Variants in RBM4 observed in about 807,000 individuals in gnomAD.
RBM4 encodes RNA binding motif protein 4.
Under a neutral mutation model 29.5 loss-of-function variants are expected in RBM4, and 7 were observed. That is an observed-to-expected ratio of 0.24 (90% CI 0.14 to 0.45). RBM4 has a LOEUF of 0.45. Among genes scored for constraint, RBM4 ranks in the 20% least tolerant of loss-of-function variants. RBM4 has a pLI of 1.00. For missense variants in RBM4, 387 were observed against 502.3 expected (o/e 0.77, Z 2.19); for synonymous variants, 220 against 205.4 (o/e 1.07, Z -0.61).
At chr11:66,647,695 T>C (rs114950259), downstream of RBM4, among the ~76,000 whole-genome samples, 1,829 of 152,268 alleles carry the variant, frequency 0.012, 37 homozygotes, top group African/African-American at 0.042. Context: ...ACAGTATTCA[T>C]TGATTCAACA....
At chr11:66,648,245 T>G (rs1938750612), downstream of RBM4, among the ~76,000 whole-genome samples, 1 of 151,620 alleles carries the variant, frequency 6.6e-6, no homozygotes, top group Non-Finnish European at 1.5e-5. Flanking sequence ...CTTGGCCAGG[T>G]GCAGTGACTC....
intron 3 of RBM4, chr11:66,644,709 T>G: frequency 1.0e-6 from 1 of 978,450 alleles, no homozygotes; most frequent in Non-Finnish European, 1.2e-6. Flanking sequence ...CCTGAACCGT[T>G]CAACCCTTAT....
At chr11:66,662,969 A>G (rs1939113044) in intron 2 of RBM4, among the ~76,000 whole-genome samples, 1 of 152,232 alleles carries the variant, frequency 6.6e-6, no homozygotes, top group African/African-American at 2.4e-5. Flanking sequence ...TAACTTCTGT[A>G]GATTGTCAGA....
In RBM4 at chr11:66,646,464, A is replaced by T. The variant is rs113399536; in HGVS notation, c.*446A>T. 2.7e-4 allele frequency: 268 copies of T among 1,003,902 alleles called. 1 individual carries two copies. The African/African-American group carries it at 4.2e-3, about 16-fold the overall frequency. 62.2% of individuals were successfully genotyped at this position (1,003,902 alleles called of 1,614,324 possible). A position where few individuals can be genotyped will look rare whatever the true frequency, so the allele number is the denominator to read the frequency against. On this transcript the variant is annotated 3_prime_UTR_variant, in exon 4 of 4. Transcript: ENST00000310092. Reference sequence around the variant, plus strand: ...TTCCGGTGAAATAAATGGTTTTTCAACTTAGGGTATGTGTGCTTTGCGAGA... The same window carrying T: ...TTCCGGTGAAATAAATGGTTTTTCATCTTAGGGTATGTGTGCTTTGCGAGA...
chr11:66,666,582 C>G (rs1228868137), exon 3 of RBM4: 5 of 243,694 alleles, frequency 2.1e-5, no homozygotes, highest in African/African-American at 9.3e-5. Context: ...TTAAAATGTC[C>G]TAGCAATACC....
chr11:66,656,794 G>A (rs892871454), intron 2 of RBM4, among the ~76,000 whole-genome samples: 1 of 147,868 alleles, frequency 6.8e-6, no homozygotes, highest in Non-Finnish European at 1.5e-5. Context: ...TTGAGTAACT[G>A]GGATTATAGA....
chr11:66,665,831 T>TACATCTTTCTTATCCA (rs1565090614), intron 2 of RBM4: 4 of 1,505,790 alleles, frequency 2.7e-6, no homozygotes, highest in Non-Finnish European at 3.6e-6. Flanking sequence ...TGGTGATAAA[T>TACATCTTTCTTATCCA]ACATCTTTCT....
chr11:66,648,034 G>C (rs897523127), downstream of RBM4, among the ~76,000 whole-genome samples: 2 of 152,036 alleles, frequency 1.3e-5, no homozygotes, highest in Admixed American at 6.6e-5. Context: ...GAAAAACCCT[G>C]TCTCTACTAA....
chr11:66,658,675 G>A (rs909341884), intron 2 of RBM4, among the ~76,000 whole-genome samples: 2 of 151,936 alleles, frequency 1.3e-5, no homozygotes, highest in African/African-American at 2.4e-5. Flanking sequence ...AGTGGCTCAC[G>A]CCTGTAATCC....
At chr11:66,657,530 A>G (rs545023370) in intron 2 of RBM4, among the ~76,000 whole-genome samples, 1 of 151,672 alleles carries the variant, frequency 6.6e-6, no homozygotes, top group East Asian at 2.0e-4. Flanking sequence ...AAAAATGTAA[A>G]ATATTAGCCA....
At chr11:66,660,946 C>T (rs1454965220) in intron 2 of RBM4, among the ~76,000 whole-genome samples, 4 of 152,184 alleles carry the variant, frequency 2.6e-5, no homozygotes, top group Non-Finnish European at 5.9e-5. Flanking sequence ...TGAGCCACTG[C>T]GCTCAGCCGT....
chr11:66,660,764 C>T (rs938825674), intron 2 of RBM4, among the ~76,000 whole-genome samples: 9 of 151,870 alleles, frequency 5.9e-5, no homozygotes, highest in Non-Finnish European at 1.3e-4. Flanking sequence ...CGCCATTCTT[C>T]TGCCTCAGCC....
intron 1 of RBM4, chr11:66,639,318 G>A (rs189186797): frequency 1.1e-4 from 20 of 190,458 alleles, no homozygotes; most frequent in African/African-American, 3.7e-4. Flanking sequence ...AAAGCCTGTT[G>A]ATAATTTCAG....
downstream of RBM4, among the ~76,000 whole-genome samples, chr11:66,650,934 G>T (rs1442438588): frequency 6.6e-6 from 1 of 152,106 alleles, no homozygotes; most frequent in Non-Finnish European, 1.5e-5. Context: ...GAGATGGGAG[G>T]ATTGCTTGAT....
At chr11:66,649,229 C>T (rs1565084276), downstream of RBM4, among the ~76,000 whole-genome samples, 1 of 152,126 alleles carries the variant, frequency 6.6e-6, no homozygotes, top group Non-Finnish European at 1.5e-5. Flanking sequence ...GTCTCAAACT[C>T]CTGGACTCAA....
chr11:66,647,109 G>A (rs1166814102), downstream of RBM4, among the ~76,000 whole-genome samples: 7 of 152,216 alleles, frequency 4.6e-5, no homozygotes, highest in Non-Finnish European at 1.0e-4. Flanking sequence ...TGCAAGAACT[G>A]CCGCCTCAGC....
In RBM4 at chr11:66,639,508, C is replaced by G. The variant is rs1484691017; in HGVS notation, c.-12-192C>G. On this transcript the variant is annotated intron_variant, in intron 1 of 3. Transcript: ENST00000310092. Reference sequence around the variant, plus strand: ...TCCCTATTGCAGACGTCTTCTTATTCTTACAGGTTCATGGCGGCTACTATA... The same window carrying G: ...TCCCTATTGCAGACGTCTTCTTATTGTTACAGGTTCATGGCGGCTACTATA... The G allele has an allele frequency of 8.4e-6, 6 of 710,630 alleles. No individual in the cohort carries two copies. The African/African-American group carries it at 8.9e-5, about 11-fold the overall frequency. 44.0% of individuals were successfully genotyped at this position (710,630 alleles called of 1,614,324 possible).
At chr11:66,665,299 G>A (rs1939185182) in intron 2 of RBM4, 1 of 466,128 alleles carries the variant, frequency 2.1e-6, no homozygotes, top group African/African-American at 2.0e-5. Flanking sequence ...CAAGATAAGA[G>A]GGGTTCCACT....
intron 2 of RBM4, among the ~76,000 whole-genome samples, chr11:66,664,524 A>C (rs570578501): frequency 1.4e-5 from 2 of 144,584 alleles, no homozygotes; most frequent in Non-Finnish European, 3.0e-5. Flanking sequence ...GCAATGGTGC[A>C]ATCTTGGCTA....
Sources: allele counts gnomAD v4.1 joint callset (sites outside exome capture counted in the v4.1 genomes callset), GRCh38; gene constraint gnomAD v4.1.1; transcripts MANE v1.5; gene names NCBI Gene and HGNC (gene_info 2026-07-23, HGNC 2026-07-21).